KCNIP4: variants seen among roughly 807,000 people sequenced by gnomAD.
KCNIP4 encodes the protein Kv channel-interacting protein 4.
A neutral mutation model predicts 34.0 loss-of-function variants in KCNIP4; 12 were observed. The ratio of observed to expected loss-of-function variants is 0.35; its 90% confidence interval spans 0.23 to 0.57. The LOEUF (loss-of-function observed/expected upper bound fraction) is 0.57. Among genes scored for constraint, KCNIP4 ranks in the 20% least tolerant of loss-of-function variants. KCNIP4 has a pLI of 0.83. For synonymous variants in KCNIP4, 124 were observed against 102.2 expected, an observed-to-expected ratio of 1.21 and a Z score of -1.29; for missense variants, 238 against 311.7, an observed-to-expected ratio of 0.76 and a Z score of 1.78.
intron 1 of KCNIP4, among the ~76,000 whole-genome samples, chr4:21,865,149 AAG>A (rs1725342454): frequency 6.6e-6 from 1 of 152,134 alleles, no homozygotes; most frequent in Admixed American, 6.5e-5. Context: ...AATTGATGAG[AAG>A]AGAGAAAAAA....
At chr4:21,906,744 A>G (rs908664732) in intron 1 of KCNIP4, among the ~76,000 whole-genome samples, 7 of 152,166 alleles carry the variant, frequency 4.6e-5, no homozygotes, top group Non-Finnish European at 5.9e-5. Context: ...TTACACACCT[A>G]TAAAAGCTAT....
At chr4:21,865,147 A>G (rs1330155091) in intron 1 of KCNIP4, among the ~76,000 whole-genome samples, 1 of 152,154 alleles carries the variant, frequency 6.6e-6, no homozygotes, top group African/African-American at 2.4e-5. Flanking sequence ...CTAATTGATG[A>G]GAAGAGAGAA....
chr4:21,588,475 C>G (rs1285382167), intron 1 of KCNIP4, among the ~76,000 whole-genome samples: 1 of 151,972 alleles, frequency 6.6e-6, no homozygotes, highest in Non-Finnish European at 1.5e-5. Context: ...CCTCCTTCTC[C>G]GATGGTTTGT....
At chr4:21,809,959 C>A (rs1173432075) in intron 1 of KCNIP4, among the ~76,000 whole-genome samples, 1 of 152,134 alleles carries the variant, frequency 6.6e-6, no homozygotes, top group African/African-American at 2.4e-5. Flanking sequence ...CATGTAATTG[C>A]CTCCTATGCT....
chr4:21,909,022 T>G (rs1236776953), intron 1 of KCNIP4, among the ~76,000 whole-genome samples: 2 of 152,036 alleles, frequency 1.3e-5, no homozygotes, highest in Non-Finnish European at 2.9e-5. Context: ...TCTTATTACC[T>G]GAAAATTAAA....
At chr4:20,934,313 G>T (rs543690838) in intron 1 of KCNIP4, among the ~76,000 whole-genome samples, 2 of 152,064 alleles carry the variant, frequency 1.3e-5, no homozygotes, top group South Asian at 4.1e-4. Context: ...ATGTAGCATG[G>T]TGGCCACCTC....
chr4:21,732,799 T>C (rs1440968818), intron 1 of KCNIP4, among the ~76,000 whole-genome samples: 1 of 152,196 alleles, frequency 6.6e-6, no homozygotes, highest in Non-Finnish European at 1.5e-5. Flanking sequence ...GCTCAGACTC[T>C]GAGGAGTAAT....
intron 1 of KCNIP4, among the ~76,000 whole-genome samples, chr4:20,944,629 A>C (rs1490013330): frequency 6.6e-6 from 1 of 152,202 alleles, no homozygotes; most frequent in Non-Finnish European, 1.5e-5. Context: ...GAGACAAAGA[A>C]GGTTTGCGGG....
intron 1 of KCNIP4, among the ~76,000 whole-genome samples, chr4:20,895,227 C>A (rs553212007): frequency 6.6e-6 from 1 of 152,276 alleles, no homozygotes; most frequent in East Asian, 1.9e-4. Context: ...TCCTTCTCTG[C>A]CTCTTTGGTT....
At chr4:20,843,940 T>C (rs1049082249) in intron 3 of KCNIP4, among the ~76,000 whole-genome samples, 2 of 152,334 alleles carry the variant, frequency 1.3e-5, no homozygotes, top group East Asian at 1.9e-4. Context: ...TACTGAGTCA[T>C]TATGAATTTT....
intron 1 of KCNIP4, among the ~76,000 whole-genome samples, chr4:21,521,392 C>T (rs1401181162): frequency 1.3e-5 from 2 of 152,086 alleles, no homozygotes; most frequent in African/African-American, 2.4e-5. Flanking sequence ...ACTTCATGAA[C>T]GGACTTAACA....
chr4:21,507,571 T>G (rs11736408), intron 1 of KCNIP4, among the ~76,000 whole-genome samples: 29,952 of 152,186 alleles, frequency 0.2, 3,227 homozygotes, highest in Non-Finnish European at 0.25. Flanking sequence ...AATGGCTTTT[T>G]AATTCAAAGA....
chr4:20,775,536 TAAAAAAAAAAA>T (rs4054941), intron 3 of KCNIP4, among the ~76,000 whole-genome samples: 19 of 126,860 alleles, frequency 1.5e-4, no homozygotes, highest in Non-Finnish European at 2.3e-4. Context: ...CTCAGTTTCT[TAAAAAAAAAAA>T]AAAAAAAAAA....
intron 1 of KCNIP4, among the ~76,000 whole-genome samples, chr4:21,111,206 T>A (rs1749134943): frequency 6.6e-6 from 1 of 152,188 alleles, no homozygotes; most frequent in South Asian, 2.1e-4. Flanking sequence ...CTTTCAACAG[T>A]CGCCAAGGAA....
At chr4:20,844,296 C>T (rs965702734) in intron 3 of KCNIP4, among the ~76,000 whole-genome samples, 1 of 152,164 alleles carries the variant, frequency 6.6e-6, no homozygotes, top group African/African-American at 2.4e-5. Context: ...ATCTGACAGA[C>T]AGTTCTGCTA....
intron 1 of KCNIP4, among the ~76,000 whole-genome samples, chr4:21,237,966 T>G (rs553065940): frequency 1.3e-5 from 2 of 152,146 alleles, no homozygotes; most frequent in African/African-American, 4.8e-5. Flanking sequence ...TGAACATTGA[T>G]GCAAAAATCC....
intron 1 of KCNIP4, among the ~76,000 whole-genome samples, chr4:21,093,441 A>G (rs572574361): frequency 6.6e-6 from 1 of 152,302 alleles, no homozygotes; most frequent in South Asian, 2.1e-4. Context: ...AATTGAACAA[A>G]CTTTAACACT....
At chr4:21,090,566 C>T (rs998239736) in intron 1 of KCNIP4, among the ~76,000 whole-genome samples, 1 of 152,056 alleles carries the variant, frequency 6.6e-6, no homozygotes, top group African/African-American at 2.4e-5. Flanking sequence ...AAAAATAGGC[C>T]CTTCCATCTT....
chr4:20,929,359 T>C (rs190741119), intron 1 of KCNIP4, among the ~76,000 whole-genome samples: 1 of 152,142 alleles, frequency 6.6e-6, no homozygotes, highest in East Asian at 1.9e-4. Context: ...CTTAACAGTT[T>C]ATGTATAGAA....
Sources: allele counts gnomAD v4.1 joint callset (sites outside exome capture counted in the v4.1 genomes callset), GRCh38; gene constraint gnomAD v4.1.1; transcripts MANE v1.5; gene names NCBI Gene and HGNC (gene_info 2026-07-23, HGNC 2026-07-21).